NEDD9: variants seen among roughly 807,000 people sequenced by gnomAD.
NEDD9 encodes the protein enhancer of filamentation 1.
NEDD9 carries 26 observed loss-of-function variants against 76.6 expected under a neutral mutation model. The observed-to-expected ratio is 0.34, with a 90% confidence interval of 0.25 to 0.47. The LOEUF (loss-of-function observed/expected upper bound fraction) is 0.47, where lower values mean the gene tolerates loss of function less well. NEDD9 is among the 20% of genes least tolerant of loss of function. The pLI is 1.00. For synonymous variants in NEDD9, 392 were observed against 414.2 expected (o/e 0.95, Z 0.65); for missense variants, 937 against 1,058.5 (o/e 0.89, Z 1.59).
At chr6:11,362,580 C>A (rs1582050303) in intron 1 of NEDD9, among the ~76,000 whole-genome samples, 1 of 152,314 alleles carries the variant, frequency 6.6e-6, no homozygotes, top group East Asian at 1.9e-4. Flanking sequence ...GTATTAACTG[C>A]AGTCACACTA....
intron 3 of NEDD9, among the ~76,000 whole-genome samples, chr6:11,255,662 G>C (rs1394551469): frequency 6.6e-6 from 1 of 152,082 alleles, no homozygotes; most frequent in East Asian, 1.9e-4. Flanking sequence ...TTCCTTAACA[G>C]ACCCCAAAAG....
intron 2 of NEDD9, chr6:11,306,282 A>G: frequency 2.0e-6 from 1 of 499,760 alleles, no homozygotes; most frequent in Non-Finnish European, 3.6e-6. Context: ...AATGGAATCC[A>G]TCATCCATTC....
At chr6:11,312,045 G>A (rs1044514764) in intron 2 of NEDD9, among the ~76,000 whole-genome samples, 2 of 151,948 alleles carry the variant, frequency 1.3e-5, no homozygotes, top group African/African-American at 4.8e-5. Context: ...CTCCAGTTCT[G>A]TCCTCAGCCT....
At chr6:11,195,705 A>C (rs1332768728) in intron 2 of NEDD9, among the ~76,000 whole-genome samples, 1 of 152,248 alleles carries the variant, frequency 6.6e-6, no homozygotes, top group African/African-American at 2.4e-5. Context: ...AAAAAACAGA[A>C]GCGGGCATGT....
chr6:11,323,554 G>A (rs555210952), intron 2 of NEDD9, among the ~76,000 whole-genome samples: 1 of 152,342 alleles, frequency 6.6e-6, no homozygotes, highest in Admixed American at 6.5e-5. Context: ...GTTGCTACTA[G>A]CATGCAGTGA....
chr6:11,332,995 G>A (rs1250886211), intron 2 of NEDD9, among the ~76,000 whole-genome samples: 3 of 126,662 alleles, frequency 2.4e-5, no homozygotes, highest in Non-Finnish European at 4.8e-5. Context: ...ATAAGACAAA[G>A]TAAAAGCAAT....
intron 1 of NEDD9, among the ~76,000 whole-genome samples, chr6:11,376,363 T>C (rs1356428231): frequency 6.6e-6 from 1 of 152,152 alleles, no homozygotes; most frequent in Non-Finnish European, 1.5e-5. Context: ...GGTTAAATGG[T>C]TGTGACCAAA....
At chr6:11,246,369 G>A (rs1467848204) in intron 3 of NEDD9, among the ~76,000 whole-genome samples, 2 of 152,032 alleles carry the variant, frequency 1.3e-5, no homozygotes, top group African/African-American at 4.8e-5. Flanking sequence ...TGCTGTCATG[G>A]GTTCCAGTGA....
rs149471687 is a variant in NEDD9 at position 11,372,035 on chromosome 6, C to T, written c.-214+10104G>A. On this transcript the variant is annotated intron_variant, in intron 1 of 3. Transcript: ENST00000397378. ...TTTTAATGTACAATTAAATTATTTT[C>T]GACTACGGTCATCCTGTTGTGCTAG... Among the ~76,000 whole-genome samples the T allele has an allele frequency of 2.2e-3, 335 of 152,200 alleles. 1 individual carries two copies. Among genetic ancestry groups the T allele is most frequent in the South Asian group, 0.017 (81 of 4,830 alleles).
intron 3 of NEDD9, among the ~76,000 whole-genome samples, chr6:11,284,322 G>A (rs575418642): frequency 1.1e-4 from 17 of 150,638 alleles, no homozygotes; most frequent in African/African-American, 3.2e-4. Context: ...TTGGGAGGCC[G>A]AGGCAGGCAG....
At chr6:11,345,719 G>A (rs1230215122) in intron 1 of NEDD9, among the ~76,000 whole-genome samples, 2 of 152,166 alleles carry the variant, frequency 1.3e-5, no homozygotes, top group Admixed American at 6.5e-5. Flanking sequence ...ACTGGTAGAG[G>A]ACTTTTCTCT....
intron 1 of NEDD9, among the ~76,000 whole-genome samples, chr6:11,364,503 A>T (rs1048858668): frequency 6.6e-6 from 1 of 152,126 alleles, no homozygotes; most frequent in Non-Finnish European, 1.5e-5. Flanking sequence ...GAGGAAGCTG[A>T]TTCATGGAGA....
chr6:11,353,923 G>C (rs1384582261), intron 1 of NEDD9, among the ~76,000 whole-genome samples: 1 of 152,212 alleles, frequency 6.6e-6, no homozygotes, highest in Non-Finnish European at 1.5e-5. Flanking sequence ...TGTCAGGGCA[G>C]GAAGAGTGAT....
At chr6:11,297,300 G>T (rs1305696258) in intron 3 of NEDD9, among the ~76,000 whole-genome samples, 2 of 152,112 alleles carry the variant, frequency 1.3e-5, no homozygotes, top group African/African-American at 4.8e-5. Flanking sequence ...CTGCAGCCAG[G>T]GACAGCTCTC....
At chr6:11,246,747 AC>A (rs1223871508) in intron 3 of NEDD9, among the ~76,000 whole-genome samples, 1 of 152,190 alleles carries the variant, frequency 6.6e-6, no homozygotes, top group African/African-American at 2.4e-5. Context: ...TTTCTTTAAA[AC>A]AAAGAAACCT....
At chr6:11,305,800 G>T (rs906148885) in intron 3 of NEDD9, 4 of 643,046 alleles carry the variant, frequency 6.2e-6, no homozygotes, top group Admixed American at 4.9e-5. Flanking sequence ...GTGGGCATCA[G>T]TGCATCCATG....
At chr6:11,311,461 G>A (rs1761363827) in intron 2 of NEDD9, among the ~76,000 whole-genome samples, 1 of 152,190 alleles carries the variant, frequency 6.6e-6, no homozygotes, top group South Asian at 2.1e-4. Context: ...ATCGATTTCT[G>A]TTTAAGCCCT....
chr6:11,232,685 C>G, upstream of NEDD9: 1 of 1,465,338 alleles, frequency 6.8e-7, no homozygotes, highest in East Asian at 2.4e-5. Context: ...ACTGTTGTGA[C>G]TGAGGCAGGC....
intron 1 of NEDD9, among the ~76,000 whole-genome samples, chr6:11,221,432 C>G (rs1190778911): frequency 2.6e-5 from 4 of 151,452 alleles, no homozygotes; most frequent in Non-Finnish European, 4.4e-5. Flanking sequence ...GGAAGAACAC[C>G]TAGGTTTTTT....
Sources: allele counts gnomAD v4.1 joint callset (sites outside exome capture counted in the v4.1 genomes callset), GRCh38; gene constraint gnomAD v4.1.1; transcripts MANE v1.5; gene names NCBI Gene and HGNC (gene_info 2026-07-23, HGNC 2026-07-21).